SLC17A6: variants seen among roughly 807,000 people sequenced by gnomAD.
The protein encoded by SLC17A6 is vesicular glutamate transporter 2.
SLC17A6 carries 35 observed loss-of-function variants against 67.1 expected under a neutral mutation model. That is an observed-to-expected ratio of 0.52 (90% CI 0.40 to 0.69). The LOEUF (loss-of-function observed/expected upper bound fraction) is 0.69, where lower values mean the gene tolerates loss of function less well. Ranked by LOEUF, SLC17A6 falls within the 30% of genes least tolerant of loss-of-function variation. The pLI is 0.00. For synonymous variants in SLC17A6, 285 were observed against 252.3 expected, an observed-to-expected ratio of 1.13 and a Z score of -1.23; for missense variants, 588 against 723.9, an observed-to-expected ratio of 0.81 and a Z score of 2.15.
intron 4 of SLC17A6, among the ~76,000 whole-genome samples, chr11:22,360,341 G>C (rs1856037293): frequency 6.6e-6 from 1 of 152,078 alleles, no homozygotes; most frequent in Admixed American, 6.6e-5. Context: ...GGGCAGTGTA[G>C]GGAGAGCATT....
intron 1 of SLC17A6, among the ~76,000 whole-genome samples, chr11:22,339,106 A>ATATATATATGT (rs1260894641): frequency 1.0e-4 from 11 of 108,750 alleles, no homozygotes; most frequent in African/African-American, 3.2e-4. Context: ...TATATATGTT[A>ATATATATATGT]TATATATATG....
intron 1 of SLC17A6, 86 bp from the exon 2 acceptor site, chr11:22,341,442 C>T: frequency 1.3e-6 from 2 of 1,540,420 alleles, no homozygotes; most frequent in Admixed American, 1.8e-5. Context: ...CTCCCAACCC[C>T]GACGGGTCCT....
chr11:22,342,451 G>T (rs917259065), intron 2 of SLC17A6, among the ~76,000 whole-genome samples: 3 of 152,154 alleles, frequency 2.0e-5, no homozygotes, highest in Non-Finnish European at 2.9e-5. Context: ...GGGAGACCTT[G>T]CAAGATCCTC....
chr11:22,367,882 A>G (rs1022437474), intron 7 of SLC17A6, among the ~76,000 whole-genome samples: 2 of 152,192 alleles, frequency 1.3e-5, no homozygotes, highest in African/African-American at 4.8e-5. Flanking sequence ...GTAGCTTCAA[A>G]GTAAATTTTA....
chr11:22,339,011 A>G (rs2133854878), intron 1 of SLC17A6, among the ~76,000 whole-genome samples: 1 of 146,900 alleles, frequency 6.8e-6, no homozygotes, highest in African/African-American at 2.5e-5. Flanking sequence ...AAATGAATAT[A>G]AAACACAACC....
At position 22,358,239 on chromosome 11, in the gene SLC17A6, A is replaced by G. The variant is rs536825386; in HGVS notation, c.459-1174A>G. 3.9e-5 allele frequency among the ~76,000 whole-genome samples: 6 copies of G among 152,360 alleles called. No homozygotes were observed. The South Asian group carries it at 1.2e-3, about 32-fold the overall frequency. On this transcript the variant is annotated intron_variant, in intron 3 of 11. Transcript: ENST00000263160. ...CATTGGAGTTAGCACGTCCCAAAAC[A>G]TCTTTGCAAGGGAATAGTTATAAAG...
In SLC17A6 at chr11:22,376,689, A is replaced by C. The variant is rs1856236256; in HGVS notation, c.1413+17A>C. 6.2e-7 allele frequency: 1 copy of C among 1,612,884 alleles called. No individual in the cohort carries two copies. The highest frequency in any genetic ancestry group is 1.7e-5 in the Admixed American group (1 of 59,980). Reference sequence around the variant, plus strand: ...AAGAATAAGGTAAGATGGTCAAAACAGATGTTTAGTCATAGAAGACAGTTT... The same window carrying C: ...AAGAATAAGGTAAGATGGTCAAAACCGATGTTTAGTCATAGAAGACAGTTT... On this transcript the variant is annotated intron_variant, in intron 11 of 11. Coordinates refer to ENST00000263160, the MANE Select transcript of SLC17A6 (RefSeq NM_020346.3).
chr11:22,351,637 A>T (rs913118062), intron 3 of SLC17A6, among the ~76,000 whole-genome samples: 4 of 148,576 alleles, frequency 2.7e-5, no homozygotes, highest in Non-Finnish European at 6.0e-5. Flanking sequence ...TGTTTTCTTT[A>T]AAAACATTGT....
At chr11:22,350,668 T>C (rs1026227098) in intron 3 of SLC17A6, among the ~76,000 whole-genome samples, 3 of 152,286 alleles carry the variant, frequency 2.0e-5, no homozygotes, top group Non-Finnish European at 4.4e-5. Flanking sequence ...TTCCTTTTTT[T>C]CCCCAGCCCA....
chr11:22,369,492 TA>T (rs1856149634), intron 7 of SLC17A6, among the ~76,000 whole-genome samples: 1 of 152,072 alleles, frequency 6.6e-6, no homozygotes, highest in Non-Finnish European at 1.5e-5. Context: ...GCTATCAAGA[TA>T]ATTTATGATT....
chr11:22,363,851 G>C (rs1856079014), intron 6 of SLC17A6, among the ~76,000 whole-genome samples: 1 of 151,964 alleles, frequency 6.6e-6, no homozygotes. Context: ...TTTCAAAGGA[G>C]TGCATAATTC....
intron 3 of SLC17A6, among the ~76,000 whole-genome samples, chr11:22,351,514 C>T (rs1264475937): frequency 6.6e-6 from 1 of 152,010 alleles, no homozygotes; most frequent in Non-Finnish European, 1.5e-5. Flanking sequence ...ATCGTTTTCC[C>T]CGATACACTA....
rs1403976634 is a variant in SLC17A6, at chr11:22,377,786, A to C, written c.*46A>C. ...ATTTTTAGTGTTTGTGATTAAATTC[A>C]TTGTGATTGCACAAAAATTTTAAAA... On this transcript the variant is annotated 3_prime_UTR_variant, in exon 12 of 12. Coordinates refer to ENST00000263160, the MANE Select transcript of SLC17A6 (RefSeq NM_020346.3). 6.9e-7 allele frequency: 1 copy of C among 1,445,688 alleles called. No homozygotes were observed. The highest frequency in any genetic ancestry group is 1.5e-5 in the South Asian group (1 of 68,222). The allele number at this position is 1,445,688 out of a possible 1,614,324, so 89.6% of individuals were successfully genotyped here.
intron 7 of SLC17A6, 84 bp from the exon 8 acceptor site, chr11:22,369,955 C>T: frequency 4.5e-6 from 6 of 1,342,318 alleles, no homozygotes; most frequent in Non-Finnish European, 3.1e-6. Flanking sequence ...CATATACATC[C>T]TGAAAATGCA....
chr11:22,369,759 C>G (rs1856154828), intron 7 of SLC17A6, among the ~76,000 whole-genome samples: 1 of 151,724 alleles, frequency 6.6e-6, no homozygotes, highest in Non-Finnish European at 1.5e-5. Flanking sequence ...AGGACCTATG[C>G]TTTTGGAATC....
Position 22,377,661 on chromosome 11 carries a change from G to T in SLC17A6, c.1670G>T (p.Gly557Val). 1 of 1,613,580 alleles carries T rather than the reference G, an allele frequency of 6.2e-7. No individual in the cohort carries two copies. The highest frequency in any genetic ancestry group is 1.1e-5 in the South Asian group (1 of 90,866). ...CAGGCCAATGGAGGTTGGCCTAGTGGTTGGGAAAAGAAAGAGGAATTTGTA... is the reference window on the plus strand; with the variant it reads ...CAGGCCAATGGAGGTTGGCCTAGTGTTTGGGAAAAGAAAGAGGAATTTGTA... ...TTQANGGWPS[G>V]WEKKEEFVQG... The change falls in exon 12 of 12, where the codon GGT (glycine) becomes GTT (valine). Residue 557 changes from glycine to valine, a missense_variant. Coordinates refer to ENST00000263160, the MANE Select transcript of SLC17A6 (RefSeq NM_020346.3).
intron 3 of SLC17A6, among the ~76,000 whole-genome samples, chr11:22,344,548 G>A (rs1298344293): frequency 3.3e-5 from 5 of 152,176 alleles, no homozygotes; most frequent in Admixed American, 2.0e-4. Flanking sequence ...GCTTTAAAAT[G>A]TCAAGAGGAG....
intron 3 of SLC17A6, among the ~76,000 whole-genome samples, chr11:22,352,353 A>G: frequency 6.6e-6 from 1 of 152,362 alleles, no homozygotes; most frequent in Non-Finnish European, 1.5e-5. Flanking sequence ...ATTCTATGAA[A>G]ATAACTCAGC....
At chr11:22,373,761 T>C (rs565684572) in intron 8 of SLC17A6, among the ~76,000 whole-genome samples, 1 of 152,296 alleles carries the variant, frequency 6.6e-6, no homozygotes, top group Admixed American at 6.5e-5. Flanking sequence ...GAGATCATTC[T>C]ATAGCCTGAA....
Sources: allele counts gnomAD v4.1 joint callset (sites outside exome capture counted in the v4.1 genomes callset), GRCh38; gene constraint gnomAD v4.1.1; transcripts MANE v1.5; gene names NCBI Gene and HGNC (gene_info 2026-07-23, HGNC 2026-07-21).